The following ACER2 variants were observed in gnomAD, a reference collection of about 807,000 sequenced individuals.
ACER2 encodes the protein alkCDase 2.
In ACER2, 26 loss-of-function variants were observed where a neutral mutation model predicts 34.7. That is an observed-to-expected ratio of 0.75 (90% CI 0.55 to 1.04). The LOEUF is 1.04. ACER2 is among the 50% of genes least tolerant of loss of function. The pLI is 0.00. For missense variants in ACER2, 352 were observed against 340.8 expected (o/e 1.03, Z -0.26); for synonymous variants, 138 against 132.1 (o/e 1.04, Z -0.31).
rs1448271942 is a variant in ACER2, at chr9:19,431,301, T to A, written c.366-3646T>A. Among the ~76,000 whole-genome samples the A allele has an allele frequency of 2.6e-5, 4 of 152,156 alleles. No individual in the cohort carries two copies. The East Asian group carries it at 7.7e-4, about 29-fold the overall frequency. On this transcript the variant is annotated intron_variant, in intron 3 of 5. Transcript: ENST00000340967. Reference sequence around the variant, plus strand: ...GAAAGGCTCAAAGAGTTGAGTTACTTGCCAAAGGTCTCACAGCTACTAAGC... The same window carrying A: ...GAAAGGCTCAAAGAGTTGAGTTACTAGCCAAAGGTCTCACAGCTACTAAGC...
Position 19,434,016 on chromosome 9 carries a change from CG to C in ACER2, c.366-927del, listed in dbSNP as rs1223255036. Among the ~76,000 whole-genome samples the C allele has an allele frequency of 9.1e-4, 134 of 146,874 alleles. 1 individual carries two copies. The highest frequency in any genetic ancestry group is 3.5e-3 in the Middle Eastern group (1 of 286). On this transcript the variant is annotated intron_variant, in intron 3 of 5. Transcript: ENST00000340967. ...GCGGAGACGCTCCTCACTTCTCAGA[CG>C]GGGCGGCTGCCGGGCGGAGGGTCTC...
Position 19,450,770 on chromosome 9 carries a change from T to A in ACER2, c.*134T>A. 1.2e-6 allele frequency: 1 copy of A among 824,260 alleles called. No homozygotes were observed. Among genetic ancestry groups the A allele is most frequent in the Non-Finnish European group, 1.7e-6 (1 of 571,650 alleles). The allele number at this position is 824,260 out of a possible 1,614,324, so 51.1% of individuals were successfully genotyped here. On this transcript the variant is annotated 3_prime_UTR_variant, in exon 6 of 6. Coordinates refer to ENST00000340967, the MANE Select transcript of ACER2 (RefSeq NM_001010887.3). ...TCAAAAATCTATTTGCTGGGGCTCT[T>A]AATTTCTTTAGTGTTCTTTGTATGT...
chr9:19,413,168 T>C (rs1830138201), intron 1 of ACER2, among the ~76,000 whole-genome samples: 1 of 152,266 alleles, frequency 6.6e-6, no homozygotes, highest in Admixed American at 6.5e-5. Context: ...AATTGTATCA[T>C]CCTTTGCTTC....
chr9:19,429,329 C>T (rs573928629), intron 3 of ACER2, among the ~76,000 whole-genome samples: 61 of 152,068 alleles, frequency 4.0e-4, no homozygotes, highest in African/African-American at 1.5e-3. Flanking sequence ...ATTGTATCTA[C>T]TTTTTTTGTT....
intron 4 of ACER2, among the ~76,000 whole-genome samples, chr9:19,440,233 C>T (rs555475677): frequency 6.6e-6 from 1 of 152,326 alleles, no homozygotes; most frequent in East Asian, 1.9e-4. Context: ...CACTACCTCT[C>T]GGCAGCTCCT....
intron 1 of ACER2, among the ~76,000 whole-genome samples, chr9:19,422,020 A>G (rs942849198): frequency 6.6e-6 from 1 of 152,118 alleles, no homozygotes; most frequent in African/African-American, 2.4e-5. Context: ...GCGGTGACTC[A>G]TGCCTATAAT....
intron 3 of ACER2, among the ~76,000 whole-genome samples, chr9:19,432,790 T>C (rs1830799152): frequency 6.7e-6 from 1 of 149,824 alleles, no homozygotes; most frequent in Non-Finnish European, 1.5e-5. Context: ...ATTTTATTTT[T>C]AGGTTATAGC....
chr9:19,445,802 G>A (rs1384218655), intron 4 of ACER2, among the ~76,000 whole-genome samples: 1 of 152,194 alleles, frequency 6.6e-6, no homozygotes, highest in East Asian at 1.9e-4. Flanking sequence ...GGTTAAACAG[G>A]AAGATGCTGG....
At chr9:19,435,342 C>A (rs375573499) in intron 4 of ACER2, among the ~76,000 whole-genome samples, 5 of 152,096 alleles carry the variant, frequency 3.3e-5, no homozygotes, top group East Asian at 3.8e-4. Flanking sequence ...CATCTCAGTA[C>A]CTAGATCAAG....
At position 19,411,925 on chromosome 9, in the gene ACER2, A is replaced by G. The variant is rs139629320; in HGVS notation, c.108+2733A>G. Among the ~76,000 whole-genome samples, 657 of 152,278 alleles carry G rather than the reference A, an allele frequency of 4.3e-3. 1 individual carries two copies. Among genetic ancestry groups the G allele is most frequent in the Non-Finnish European group, 7.9e-3 (535 of 68,020 alleles). On this transcript the variant is annotated intron_variant, in intron 1 of 5. Coordinates refer to ENST00000340967, the MANE Select transcript of ACER2 (RefSeq NM_001010887.3). ...TTCTAGACAATGGGTGCTATTTATT[A>G]TATCCATTTGATAAAGATGGAAATT...
chr9:19,409,302 C>T, intron 1 of ACER2, 110 bp downstream of exon 1: 1 of 1,064,784 alleles, frequency 9.4e-7, no homozygotes, highest in Non-Finnish European at 1.4e-6. Flanking sequence ...TGGGGGCATT[C>T]TCTCCAGGGG....
At chr9:19,415,447 A>G (rs907083260) in intron 1 of ACER2, among the ~76,000 whole-genome samples, 2 of 152,054 alleles carry the variant, frequency 1.3e-5, no homozygotes. Flanking sequence ...GTTAGCCAAG[A>G]TTTCGCCACT....
At chr9:19,426,391 T>C (rs887972771) in intron 3 of ACER2, among the ~76,000 whole-genome samples, 2 of 140,108 alleles carry the variant, frequency 1.4e-5, no homozygotes, top group African/African-American at 2.8e-5. Context: ...TCTCTCTCTC[T>C]CCTCCTTTCC....
intron 4 of ACER2, among the ~76,000 whole-genome samples, chr9:19,442,310 G>C (rs1368388769): frequency 6.6e-6 from 1 of 152,224 alleles, no homozygotes; most frequent in African/African-American, 2.4e-5. Context: ...AGGTCCTGCT[G>C]TACATGTGAT....
chr9:19,416,152 TCTC>T (rs775166033), intron 1 of ACER2, among the ~76,000 whole-genome samples: 121 of 152,240 alleles, frequency 7.9e-4, no homozygotes, highest in African/African-American at 2.7e-3. Flanking sequence ...CCATTTTTCT[TCTC>T]CTCTTTCTTC....
rs530703663 is a variant in ACER2, at chr9:19,446,274, C to A, written c.504-7C>A. 15 of 1,614,100 alleles carry A rather than the reference C, an allele frequency of 9.3e-6. No individual in the cohort carries two copies. The highest frequency in any genetic ancestry group is 1.2e-5 in the Non-Finnish European group (14 of 1,180,008). On this transcript the variant is annotated splice_region_variant and splice_polypyrimidine_tract_variant and intron_variant, in intron 4 of 5. Coordinates refer to ENST00000340967, the MANE Select transcript of ACER2 (RefSeq NM_001010887.3). ...GACGATGAGTGACTCTCTGGACCCC[C>A]GTGCAGGTGTGACAACATGCGTGTG... is the stretch of plus-strand genomic sequence containing the variant.
intron 1 of ACER2, among the ~76,000 whole-genome samples, chr9:19,414,969 A>T (rs1364921078): frequency 6.6e-6 from 1 of 151,714 alleles, no homozygotes; most frequent in African/African-American, 2.4e-5. Context: ...ACCATGACTG[A>T]TTTGCTTTTT....
Position 19,450,553 on chromosome 9 carries a change from C to T in ACER2, c.745C>T (p.Pro249Ser), listed in dbSNP as rs771534926. The T allele has an allele frequency of 2.7e-5, 44 of 1,611,046 alleles. No individual in the cohort carries two copies. The highest frequency in any genetic ancestry group is 3.6e-5 in the Non-Finnish European group (42 of 1,177,712). The change falls in exon 6 of 6, where the codon CCC becomes TCC. Residue 249 changes from proline to serine, a missense_variant. Transcript: ENST00000340967. ...PEQGPVIKFW[P>S]NEKWAFIGVP... is the part of the protein sequence containing the mutation. ...GCAAGGCCCTGTCATCAAGTTCTGG[C>T]CCAATGAGAAATGGGCCTTCATTGG...
intron 1 of ACER2, among the ~76,000 whole-genome samples, chr9:19,410,507 C>T (rs1045859138): frequency 1.3e-5 from 2 of 152,090 alleles, no homozygotes; most frequent in Middle Eastern, 3.2e-3. Context: ...TCCAGGAGTT[C>T]GAGACCAACC....
Sources: gnomAD v4.1 joint callset for allele counts (sites outside exome capture counted in the v4.1 genomes callset) on GRCh38, gnomAD v4.1.1 for gene constraint, MANE v1.5 for transcripts, NCBI Gene and HGNC (gene_info 2026-07-23, HGNC 2026-07-21) for gene names.